The following MTUS2 variants were observed in gnomAD, a reference collection of about 807,000 sequenced individuals.
The protein encoded by MTUS2 is microtubule-associated tumor suppressor candidate 2.
A neutral mutation model predicts 114.1 loss-of-function variants in MTUS2; 40 were observed. The observed-to-expected ratio is 0.35, with a 90% CI of 0.27 to 0.46. MTUS2 has a LOEUF of 0.46. Among genes scored for constraint, MTUS2 ranks in the 20% least tolerant of loss-of-function variants. The pLI, the probability that MTUS2 is intolerant of heterozygous loss-of-function variation, is 1.00. For missense variants in MTUS2, 1,679 were observed against 1,705.4 expected (o/e 0.98, Z 0.27); for synonymous variants, 688 against 672.0 (o/e 1.02, Z -0.37).
At chr13:29,448,548 C>T (rs973103525) in intron 9 of MTUS2, among the ~76,000 whole-genome samples, 45 of 151,800 alleles carry the variant, frequency 3.0e-4, no homozygotes, top group African/African-American at 9.7e-4. Flanking sequence ...CCCCCAGTCC[C>T]CAGTACTGCT....
chr13:29,505,737 C>T lies in MTUS2; in HGVS notation c.*2531C>T, dbSNP rs928692794. 6 of 228,816 alleles carry T rather than the reference C, an allele frequency of 2.6e-5. No homozygotes were observed. Among genetic ancestry groups the T allele is most frequent in the Non-Finnish European group, 5.2e-5 (6 of 115,494 alleles). The allele number at this position is 228,816 out of a possible 1,614,324, so 14.2% of individuals were successfully genotyped here. ...GTCTCTTCGTGGCATTTGGGAGATG[C>T]GTGGGCGGCCTGCCCCCCGACCGCC... On this transcript the variant is annotated 3_prime_UTR_variant, in exon 16 of 16. Transcript: ENST00000612955.
chr13:29,041,151 G>A (rs552291771), intron 4 of MTUS2, among the ~76,000 whole-genome samples: 1 of 152,044 alleles, frequency 6.6e-6, no homozygotes, highest in South Asian at 2.1e-4. Flanking sequence ...AGAGATGAAG[G>A]TCCAATTTCA....
At chr13:29,367,154 C>T (rs978444441) in intron 8 of MTUS2, among the ~76,000 whole-genome samples, 1 of 152,064 alleles carries the variant, frequency 6.6e-6, no homozygotes, top group African/African-American at 2.4e-5. Context: ...GACTGTGAAG[C>T]CTGTCAAGCA....
At chr13:29,471,750 C>T (rs1051008298) in intron 9 of MTUS2, among the ~76,000 whole-genome samples, 8 of 150,242 alleles carry the variant, frequency 5.3e-5, no homozygotes, top group Non-Finnish European at 7.4e-5. Context: ...CAGCCCCCCC[C>T]GACACATTGA....
chr13:29,363,591 A>G (rs1056084548), intron 8 of MTUS2, among the ~76,000 whole-genome samples: 2 of 152,256 alleles, frequency 1.3e-5, no homozygotes, highest in African/African-American at 4.8e-5. Context: ...AATAAAACCC[A>G]GATACCCCAT....
Position 29,317,414 on chromosome 13 carries a change from C to T in MTUS2, c.2807-7199C>T, listed in dbSNP as rs112799684. ...TCTAACTCTCCTGAGTTCGCTTGTG[C>T]GCGCGCTCTCTCTCTCTCTTTTTTT... is the stretch of plus-strand genomic sequence containing the variant. On this transcript the variant is annotated intron_variant, in intron 6 of 15. Transcript: ENST00000612955. Among the ~76,000 whole-genome samples, 561 of 134,912 alleles carry T rather than the reference C, an allele frequency of 4.2e-3. 31 individuals are homozygous for T. Among genetic ancestry groups the T allele is most frequent in the African/African-American group, 0.015 (521 of 35,266 alleles). 88.5% of individuals were successfully genotyped at this position (134,912 alleles called of 152,430 possible). A position where few individuals can be genotyped will look rare whatever the true frequency, so the allele number is the denominator to read the frequency against.
intron 2 of MTUS2, among the ~76,000 whole-genome samples, chr13:28,981,591 G>A (rs745749649): frequency 3.3e-5 from 5 of 152,150 alleles, no homozygotes; most frequent in Non-Finnish European, 7.4e-5. Flanking sequence ...AAAAAGTGAT[G>A]GAAAAAAGTA....
chr13:29,315,551 G>A (rs1468559304), intron 6 of MTUS2, among the ~76,000 whole-genome samples: 1 of 152,188 alleles, frequency 6.6e-6, no homozygotes, highest in East Asian at 1.9e-4. Context: ...TGTGGCCACA[G>A]TGATACCTGG....
At chr13:28,945,877 C>T (rs1020188293) in intron 2 of MTUS2, among the ~76,000 whole-genome samples, 1 of 152,074 alleles carries the variant, frequency 6.6e-6, no homozygotes, top group African/African-American at 2.4e-5. Context: ...AGGTTTTAAT[C>T]GTGATTTCTT....
intron 5 of MTUS2, among the ~76,000 whole-genome samples, chr13:29,166,493 C>T (rs1046246001): frequency 2.0e-5 from 3 of 152,134 alleles, no homozygotes; most frequent in African/African-American, 7.2e-5. Context: ...AGCCCCAGAC[C>T]CATTATCTGT....
chr13:28,945,197 A>G (rs1882461360), intron 2 of MTUS2, among the ~76,000 whole-genome samples: 1 of 151,940 alleles, frequency 6.6e-6, no homozygotes, highest in Admixed American at 6.6e-5. Flanking sequence ...ATATATATAC[A>G]CCACATTTTC....
At chr13:29,130,583 C>T (rs1891718043) in intron 5 of MTUS2, among the ~76,000 whole-genome samples, 1 of 152,100 alleles carries the variant, frequency 6.6e-6, no homozygotes, top group African/African-American at 2.4e-5. Flanking sequence ...CTCTAGCACA[C>T]TTATTCATTA....
rs554688154 is a variant in MTUS2, at chr13:29,061,558, C to G, written c.2446+27433C>G. On this transcript the variant is annotated intron_variant, in intron 4 of 15. Transcript: ENST00000612955. ...TATTTTGTGGGCATGTCTCCCTCCT[C>G]TCTGTCCCATACATTCTAGCTGCCT... 1.7e-4 allele frequency among the ~76,000 whole-genome samples: 26 copies of G among 151,524 alleles called. No individual in the cohort carries two copies. In the South Asian group the frequency reaches 2.1e-3, roughly 12 times the overall value.
At chr13:29,019,218 C>G (rs1310075775) in intron 2 of MTUS2, among the ~76,000 whole-genome samples, 1 of 152,108 alleles carries the variant, frequency 6.6e-6, no homozygotes, top group African/African-American at 2.4e-5. Flanking sequence ...ACAGTGGCTG[C>G]AGGGACTGGT....
intron 8 of MTUS2, among the ~76,000 whole-genome samples, chr13:29,425,207 A>G (rs1876419546): frequency 6.6e-6 from 1 of 152,140 alleles, no homozygotes; most frequent in Admixed American, 6.5e-5. Flanking sequence ...TGAGGTAAGG[A>G]GTTTGAGACC....
chr13:29,397,095 G>T (rs1318729888), intron 8 of MTUS2, among the ~76,000 whole-genome samples: 2 of 152,150 alleles, frequency 1.3e-5, no homozygotes, highest in Admixed American at 6.5e-5. Context: ...ATATCAAAAT[G>T]ACTGTAGGTT....
intron 2 of MTUS2, among the ~76,000 whole-genome samples, chr13:28,942,003 G>T (rs779672021): frequency 6.6e-6 from 1 of 152,108 alleles, no homozygotes; most frequent in Non-Finnish European, 1.5e-5. Flanking sequence ...GAAAATATTG[G>T]ACTACATTAA....
intron 5 of MTUS2, among the ~76,000 whole-genome samples, chr13:29,210,104 A>G (rs1440803911): frequency 2.0e-5 from 3 of 152,068 alleles, no homozygotes; most frequent in African/African-American, 4.8e-5. Flanking sequence ...AACTTCCTGG[A>G]GGCTTTGTTC....
chr13:28,915,072 G>A (rs1880672366), intron 2 of MTUS2, among the ~76,000 whole-genome samples: 1 of 151,882 alleles, frequency 6.6e-6, no homozygotes, highest in African/African-American at 2.4e-5. Flanking sequence ...TTTAAATGGG[G>A]CATTTAGTCC....
Sources: gnomAD v4.1 joint callset for allele counts (sites outside exome capture counted in the v4.1 genomes callset) on GRCh38, gnomAD v4.1.1 for gene constraint, MANE v1.5 for transcripts, NCBI Gene and HGNC (gene_info 2026-07-23, HGNC 2026-07-21) for gene names.